OLFML2B: variants seen among roughly 807,000 people sequenced by gnomAD.
OLFML2B encodes olfactomedin-like protein 2B.
A neutral mutation model predicts 74.9 loss-of-function variants in OLFML2B; 57 were observed. That is an observed-to-expected ratio of 0.76 (90% CI 0.61 to 0.95). The LOEUF (loss-of-function observed/expected upper bound fraction) is 0.95, where lower values mean the gene tolerates loss of function less well. Among genes scored for constraint, OLFML2B ranks in the 40% least tolerant of loss-of-function variants. The pLI is 0.00. For synonymous variants in OLFML2B, 388 were observed against 405.8 expected (o/e 0.96, Z 0.53); for missense variants, 986 against 970.6 (o/e 1.02, Z -0.21).
At chr1:161,987,076 G>A (rs1689613313) in intron 6 of OLFML2B, among the ~76,000 whole-genome samples, 2 of 152,248 alleles carry the variant, frequency 1.3e-5, no homozygotes, top group Admixed American at 1.3e-4. Context: ...ATGTGCCCCA[G>A]GCTGGGGCCA....
chr1:162,015,606 A>G (rs1690506023), intron 3 of OLFML2B, among the ~76,000 whole-genome samples: 1 of 152,236 alleles, frequency 6.6e-6, no homozygotes, highest in African/African-American at 2.4e-5. Flanking sequence ...CTAGGAAAAC[A>G]GAGGCACTTC....
At chr1:162,018,685 G>A (rs1570959072) in intron 2 of OLFML2B, among the ~76,000 whole-genome samples, 1 of 152,188 alleles carries the variant, frequency 6.6e-6, no homozygotes, top group African/African-American at 2.4e-5. Flanking sequence ...CAGACTGCAG[G>A]GTAAGAGGGA....
intron 1 of OLFML2B, among the ~76,000 whole-genome samples, chr1:162,021,865 G>T (rs1318896852): frequency 6.6e-6 from 1 of 152,182 alleles, no homozygotes; most frequent in Non-Finnish European, 1.5e-5. Flanking sequence ...CAGAGCCCCA[G>T]TGTGAGAGAT....
At chr1:162,021,843 T>A (rs1690710587) in intron 1 of OLFML2B, among the ~76,000 whole-genome samples, 1 of 152,314 alleles carries the variant, frequency 6.6e-6, no homozygotes, top group East Asian at 1.9e-4. Flanking sequence ...AAAGTTTTTG[T>A]TGATAGTGTT....
intron 1 of OLFML2B, among the ~76,000 whole-genome samples, chr1:162,021,288 GGCAGCACTTGCTGC>G: frequency 6.6e-6 from 1 of 152,238 alleles, no homozygotes; most frequent in East Asian, 1.9e-4. Flanking sequence ...AAAGCAAACT[GGCAGCACTTGCTGC>G]TTTTGCAATG....
intron 1 of OLFML2B, among the ~76,000 whole-genome samples, chr1:162,020,848 G>A (rs76388116): frequency 0.013 from 1,950 of 152,310 alleles, 30 homozygotes; most frequent in Middle Eastern, 0.068. Flanking sequence ...AGGAAAAGAA[G>A]AAATTGGAGA....
At position 161,993,816 on chromosome 1, in the gene OLFML2B, C is replaced by T. The variant is rs570774331; in HGVS notation, c.1474+4009G>A. Among the ~76,000 whole-genome samples, 26 of 152,316 alleles carry T rather than the reference C, an allele frequency of 1.7e-4. 1 individual carries two copies. Among genetic ancestry groups the T allele is most frequent in the African/African-American group, 5.5e-4 (23 of 41,572 alleles). ...GAGCCCCATGGCAGAAGTGATACGA[C>T]GCCCCTGGACAGCATGCATCCGTTG... On this transcript the variant is annotated intron_variant, in intron 6 of 7. Coordinates refer to ENST00000294794, the MANE Select transcript of OLFML2B (RefSeq NM_015441.3).
At chr1:162,003,829 C>T (rs939452193) in intron 4 of OLFML2B, among the ~76,000 whole-genome samples, 2 of 152,154 alleles carry the variant, frequency 1.3e-5, no homozygotes, top group African/African-American at 4.8e-5. Flanking sequence ...CCCTTCCACC[C>T]GCTTTTTGGC....
At position 161,984,025 on chromosome 1, in the gene OLFML2B, C is replaced by A. The variant is rs765253881; in HGVS notation, c.1903G>T (p.Ala635Ser). ...DENGLWLIYPALDDEGFSQEV... is the reference protein window; with the variant it reads ...DENGLWLIYPSLDDEGFSQEV... Reference sequence around the variant, plus strand: ...TGGCTGAAGCCCTCATCGTCCAGGGCCGGGTAGATGAGCCATAGGCCATTC... The same window carrying A: ...TGGCTGAAGCCCTCATCGTCCAGGGACGGGTAGATGAGCCATAGGCCATTC... The change falls in exon 8 of 8, where the codon GCC (alanine) becomes TCC (serine). Residue 635 changes from alanine to serine, a missense_variant. Ala to Ser is a moderately conservative substitution (Grantham distance 99, BLOSUM62 1). Coordinates refer to ENST00000294794, the MANE Select transcript of OLFML2B (RefSeq NM_015441.3). 6.2e-7 allele frequency: 1 copy of A among 1,614,180 alleles called. No homozygotes were observed. The highest frequency in any genetic ancestry group is 8.5e-7 in the Non-Finnish European group (1 of 1,180,038).
chr1:161,985,446 G>C lies in OLFML2B; in HGVS notation c.1475-466C>G, dbSNP rs12565747. Among the ~76,000 whole-genome samples, 27 of 152,308 alleles carry C rather than the reference G, an allele frequency of 1.8e-4. No homozygotes were observed. The East Asian group carries it at 4.6e-3, about 26-fold the overall frequency. ...CCCCCAACCGGAGCGTAAGCACCAAGGGATGAGGGAATGTGGCTTTTCCTC... is the reference window on the plus strand; with the variant it reads ...CCCCCAACCGGAGCGTAAGCACCAACGGATGAGGGAATGTGGCTTTTCCTC... On this transcript the variant is annotated intron_variant, in intron 6 of 7. Coordinates refer to ENST00000294794, the MANE Select transcript of OLFML2B (RefSeq NM_015441.3).
chr1:161,999,748 C>T (rs1232096513), intron 5 of OLFML2B, among the ~76,000 whole-genome samples: 1 of 152,182 alleles, frequency 6.6e-6, no homozygotes, highest in Non-Finnish European at 1.5e-5. Context: ...TCAGGGCCCC[C>T]GGAGGGAGGA....
At chr1:162,019,006 A>G (rs1266462777) in intron 2 of OLFML2B, among the ~76,000 whole-genome samples, 1 of 152,204 alleles carries the variant, frequency 6.6e-6, no homozygotes. Flanking sequence ...TTGGTTCAGA[A>G]AGTTGTTCCA....
intron 1 of OLFML2B, 111 bp downstream of exon 1, chr1:162,023,146 A>T: frequency 2.9e-6 from 3 of 1,050,102 alleles, no homozygotes; most frequent in Non-Finnish European, 3.9e-6. Context: ...AGCCCTTTCC[A>T]TTGGTAATGG....
chr1:161,983,834 G>A lies in OLFML2B; in HGVS notation c.2094C>T (p.Tyr698=), dbSNP rs150437510. The change falls in exon 8 of 8, where the codon TAC becomes TAT. Residue 698 remains tyrosine (Y), a synonymous_variant. Coordinates refer to ENST00000294794, the MANE Select transcript of OLFML2B (RefSeq NM_015441.3). ...SYNQRNANIS[Y]AFDTHTNTQI... is the part of the protein sequence containing the mutation. Reference sequence around the variant, plus strand: ...GTGTGTTGGTGTGGGTGTCGAAAGCGTAGGAGATGTTGGCATTCCGCTGGT... The same window carrying A: ...GTGTGTTGGTGTGGGTGTCGAAAGCATAGGAGATGTTGGCATTCCGCTGGT... 326 of 1,614,146 alleles carry A rather than the reference G, an allele frequency of 2.0e-4. 1 individual carries two copies. Among genetic ancestry groups the A allele is most frequent in the Middle Eastern group, 1.3e-3 (8 of 6,062 alleles).
intron 5 of OLFML2B, among the ~76,000 whole-genome samples, chr1:161,999,334 TATCCAGAATATGTAAAAAACTACCACAA>T (rs1005071104): frequency 6.6e-6 from 1 of 152,108 alleles, no homozygotes; most frequent in African/African-American, 2.4e-5. Flanking sequence ...AAAGAACTTG[TATCCAGAATATGTAAAAAACTACCACAA>T]ATCAATGACA....
intron 5 of OLFML2B, 93 bp downstream of exon 5, chr1:162,000,020 G>A (rs1690036848): frequency 1.1e-6 from 1 of 908,930 alleles, no homozygotes; most frequent in Non-Finnish European, 1.7e-6. Flanking sequence ...GTATGGAGGG[G>A]TGTATGGCTC....
intron 3 of OLFML2B, among the ~76,000 whole-genome samples, chr1:162,013,778 T>C (rs151168549): frequency 4.6e-5 from 7 of 152,104 alleles, no homozygotes; most frequent in Admixed American, 6.6e-5. Context: ...AACAGATAAA[T>C]TGTAGTATAT....
intron 3 of OLFML2B, among the ~76,000 whole-genome samples, chr1:162,014,407 G>A (rs12121431): frequency 0.087 from 13,156 of 152,038 alleles, 690 homozygotes; most frequent in East Asian, 0.15. Flanking sequence ...TATACCCAAG[G>A]TGGAACTGTG....
chr1:162,022,244 C>CTTTTTTTTTTTTTTTTTTTTTT (rs56395023), intron 1 of OLFML2B, among the ~76,000 whole-genome samples: 125 of 70,768 alleles, frequency 1.8e-3, no homozygotes, highest in African/African-American at 2.9e-3. Flanking sequence ...TGTATCTCTT[C>CTTTTTTTTTTTTTTTTTTTTTT]TTTTTTTTTT....
Sources: allele counts gnomAD v4.1 joint callset (sites outside exome capture counted in the v4.1 genomes callset), GRCh38; gene constraint gnomAD v4.1.1; transcripts MANE v1.5; gene names NCBI Gene and HGNC (gene_info 2026-07-23, HGNC 2026-07-21).